Variants in ACP7 observed in about 807,000 individuals in gnomAD.
ACP7 encodes acid phosphatase 7, tartrate resistant (putative).
In ACP7, 58 loss-of-function variants were observed where a neutral mutation model predicts 60.6. The ratio of observed to expected loss-of-function variants is 0.96; its 90% CI spans 0.77 to 1.19. The LOEUF is 1.19. ACP7 is among the 50% of genes most tolerant of loss of function. The probability of loss-of-function intolerance (pLI) is 0.00; values close to 1 mark genes in which losing one functional copy is unlikely to be tolerated. For missense variants in ACP7, 574 were observed against 596.2 expected (o/e 0.96, Z 0.39); for synonymous variants, 237 against 232.6 (o/e 1.02, Z -0.17).
At position 39,110,957 on chromosome 19, in the gene ACP7, G is replaced by A. The variant is rs2073464104; in HGVS notation, c.*839G>A. ...GTTGGACAAAAATCACGATAAATGAGTTGGTTAAATAGCGATTTGTGAGTA... is the reference window on the plus strand; with the variant it reads ...GTTGGACAAAAATCACGATAAATGAATTGGTTAAATAGCGATTTGTGAGTA... On this transcript the variant is annotated 3_prime_UTR_variant, in exon 13 of 13. Coordinates refer to ENST00000331256, the MANE Select transcript of ACP7 (RefSeq NM_001004318.3). 1.3e-5 allele frequency: 2 copies of A among 152,220 alleles called. No homozygotes were observed. The highest frequency in any genetic ancestry group is 1.3e-4 in the Admixed American group (2 of 15,276). 9.4% of individuals were successfully genotyped at this position (152,220 alleles called of 1,614,324 possible).
rs909890868 is a variant in ACP7, at chr19:39,098,382, C to T, written c.122-76C>T. The stretch of plus-strand genomic sequence containing the variant: ...TAACTGTTCAACAGTGGTCAACGCC[C>T]CTCACTTTTTCTGCATATCCCTCCC... On this transcript the variant is annotated intron_variant, in intron 2 of 12. Transcript: ENST00000331256. 2.5e-6 allele frequency: 3 copies of T among 1,182,106 alleles called. No homozygotes were observed. The Admixed American group carries it at 8.0e-5, about 31-fold the overall frequency. 73.2% of individuals were successfully genotyped at this position (1,182,106 alleles called of 1,614,324 possible).
intron 3 of ACP7, 32 bp downstream of exon 3, chr19:39,098,690 A>T (rs2073300778): frequency 6.3e-7 from 1 of 1,581,230 alleles, no homozygotes; most frequent in Non-Finnish European, 8.6e-7. Flanking sequence ...GCTGTTGAGG[A>T]GGAGTGGGAA....
chr19:39,083,908 G>C (rs978974002), upstream of ACP7: 1 of 152,458 alleles, frequency 6.6e-6, no homozygotes, highest in Non-Finnish European at 1.5e-5. Flanking sequence ...GCTCAGCATG[G>C]AAAGGAAGGA....
Position 39,101,169 on chromosome 19 carries a change from G to C in ACP7, c.935G>C (p.Gly312Ala), listed in dbSNP as rs769332771. 1.2e-6 allele frequency: 2 copies of C among 1,614,132 alleles called. No homozygotes were observed. The highest frequency in any genetic ancestry group is 1.7e-6 in the Non-Finnish European group (2 of 1,180,016). Reference protein sequence around the residue: ...HESKVRKGLQGKLYGLEDLFY... With the variant: ...HESKVRKGLQAKLYGLEDLFY... The stretch of plus-strand genomic sequence containing the variant: ...GCCCAGGTCCGCAAAGGCCTCCAAG[G>C]CAAGCTGTACGGGTTGGAGGATCTT... Residue 312 changes from glycine (G) to alanine (A), a missense_variant, in exon 9 of 13, where the codon GGC becomes GCC. Transcript: ENST00000331256.
upstream of ACP7, chr19:39,084,367 G>T (rs1309611323): frequency 6.6e-6 from 1 of 152,476 alleles, no homozygotes; most frequent in Non-Finnish European, 1.5e-5. Flanking sequence ...CTGGTGGCGG[G>T]AGAGGCGCGT....
intron 2 of ACP7, among the ~76,000 whole-genome samples, chr19:39,095,114 C>T (rs185945219): frequency 1.3e-5 from 2 of 152,256 alleles, no homozygotes; most frequent in Non-Finnish European, 2.9e-5. Flanking sequence ...CCTCTGGCCC[C>T]TCCAAATCTC....
In ACP7 at chr19:39,101,322, G is replaced by A. The variant is rs746015580; in HGVS notation, c.1008G>A (p.Ser336=). ...VDLQLWAHEH[S]YERLWPIYNY... is the part of the protein sequence containing the mutation. ...TGCAGCTGTGGGCTCATGAGCACTC[G>A]TATGAACGACTGTGGCCAATTTACA... The change falls in exon 10 of 13, where the codon TCG becomes TCA. Residue 336 remains serine (S), a synonymous_variant. Coordinates refer to ENST00000331256, the MANE Select transcript of ACP7 (RefSeq NM_001004318.3). 11 of 1,614,032 alleles carry A rather than the reference G, an allele frequency of 6.8e-6. No homozygotes were observed. The highest frequency in any genetic ancestry group is 2.7e-5 in the African/African-American group (2 of 74,906).
upstream of ACP7, chr19:39,084,284 T>G (rs2073114823): frequency 6.6e-6 from 1 of 152,320 alleles, no homozygotes; most frequent in Non-Finnish European, 1.5e-5. Flanking sequence ...GGCGACCGGC[T>G]CTTCCGGGGC....
chr19:39,104,262 A>G (rs2073388567), intron 11 of ACP7, among the ~76,000 whole-genome samples: 1 of 152,042 alleles, frequency 6.6e-6, no homozygotes, highest in Non-Finnish European at 1.5e-5. Flanking sequence ...CTGCATATAC[A>G]AAGGAGTAAT....
At position 39,085,250 on chromosome 19, in the gene ACP7, G is replaced by A; in HGVS notation, c.-20G>A. ...CAGTCCCCCTGCTTTTCCCCGGTCT[G>A]CCATCACCACCCCACCACCATGCAC... On this transcript the variant is annotated 5_prime_UTR_variant, in exon 2 of 13. Coordinates refer to ENST00000331256, the MANE Select transcript of ACP7 (RefSeq NM_001004318.3). 1 of 1,605,616 alleles carries A rather than the reference G, an allele frequency of 6.2e-7. No individual in the cohort carries two copies. Among genetic ancestry groups the A allele is most frequent in the Non-Finnish European group, 8.5e-7 (1 of 1,175,842 alleles).
intron 11 of ACP7, among the ~76,000 whole-genome samples, chr19:39,105,932 A>C (rs7256505): frequency 0.17 from 25,475 of 152,166 alleles, 2,374 homozygotes; most frequent in Non-Finnish European, 0.21. Flanking sequence ...TCAGCCAGCC[A>C]TCTCCACCAT....
In ACP7 at chr19:39,109,838, T is replaced by C. The variant is rs937633592; in HGVS notation, c.1252-215T>C. Among the ~76,000 whole-genome samples, 11 of 152,174 alleles carry C rather than the reference T, an allele frequency of 7.2e-5. No individual in the cohort carries two copies. In the East Asian group the frequency reaches 1.9e-3, roughly 27 times the overall value. ...TATGCTGGGCTCTGTTTACAAATAC[T>C]ATCTCATTTAACTCCCACAACATCT... On this transcript the variant is annotated intron_variant, in intron 12 of 12. Transcript: ENST00000331256.
At position 39,097,124 on chromosome 19, in the gene ACP7, G is replaced by A. The variant is rs114703502; in HGVS notation, c.122-1334G>A. ...TAGTGAAAAGCATTTCTGACATGGCGGTGGCAAGAGAAAATGAGAAAGAAG... is the reference window on the plus strand; with the variant it reads ...TAGTGAAAAGCATTTCTGACATGGCAGTGGCAAGAGAAAATGAGAAAGAAG... On this transcript the variant is annotated intron_variant, in intron 2 of 12. Transcript: ENST00000331256. Among the ~76,000 whole-genome samples, 676 of 152,190 alleles carry A rather than the reference G, an allele frequency of 4.4e-3. 6 individuals carry two copies. Among genetic ancestry groups the A allele is most frequent in the African/African-American group, 0.015 (624 of 41,528 alleles).
In ACP7 at chr19:39,101,525, C is replaced by T; in HGVS notation, c.1101C>T (p.Ile367=). The change falls in exon 11 of 13, where the codon ATC becomes ATT. Residue 367 remains isoleucine, a synonymous_variant. Coordinates refer to ENST00000331256, the MANE Select transcript of ACP7 (RefSeq NM_001004318.3). ...ACCCGCGAGGGCCTGTCCACATCATCACAGGATCTGCTGTGAGCAGGGGGA... is the reference window on the plus strand; with the variant it reads ...ACCCGCGAGGGCCTGTCCACATCATTACAGGATCTGCTGTGAGCAGGGGGA... ...YTNPRGPVHI[I]TGSAGCEERL... The T allele has an allele frequency of 1.9e-6, 3 of 1,614,040 alleles. No individual in the cohort carries two copies. Among genetic ancestry groups the T allele is most frequent in the Non-Finnish European group, 1.7e-6 (2 of 1,179,978 alleles).
chr19:39,102,785 C>CTCTT lies in ACP7; in HGVS notation c.1113+1251_1113+1252insTTCT, dbSNP rs1555769508. Among the ~76,000 whole-genome samples the CTCTT allele has an allele frequency of 2.4e-3, 280 of 117,324 alleles. 1 individual carries two copies. The highest frequency in any genetic ancestry group is 7.3e-3 in the African/African-American group (236 of 32,386). The allele number at this position is 117,324 out of a possible 152,430, so 77.0% of individuals were successfully genotyped here. ...TTTCTTTCTCTCTCTCTCTCTTTCTCTCTCTCTCTTTCTTTCTTTCTTTTC... is the reference window on the plus strand; with the variant it reads ...TTTCTTTCTCTCTCTCTCTCTTTCTCTCTTTCTCTCTCTTTCTTTCTTTCTTTTC... On this transcript the variant is annotated intron_variant, in intron 11 of 12. Coordinates refer to ENST00000331256, the MANE Select transcript of ACP7 (RefSeq NM_001004318.3).
At chr19:39,100,140 G>A (rs1375298147) in intron 4 of ACP7, 87 bp from the exon 5 acceptor site, 1 of 1,552,798 alleles carries the variant, frequency 6.4e-7, no homozygotes, top group Non-Finnish European at 8.8e-7. Context: ...GGATTAACAG[G>A]TGTGAGTCAC....
Position 39,098,550 on chromosome 19 carries a change from C to T in ACP7, c.214C>T (p.Leu72Phe), listed in dbSNP as rs2073297822. 6.8e-6 allele frequency: 11 copies of T among 1,613,232 alleles called. No homozygotes were observed. Among genetic ancestry groups the T allele is most frequent in the Non-Finnish European group, 9.3e-6 (11 of 1,179,686 alleles). The part of the protein sequence containing the change: ...FGLQPSGPLP[L>F]RAQGTFVPFV... ...GTTGCAGCCGTCGGGGCCCCTGCCC[C>T]TCCGCGCCCAGGGCACCTTCGTCCC... is the stretch of plus-strand genomic sequence containing the variant. Residue 72 changes from leucine (L) to phenylalanine (F), a missense_variant, in exon 3 of 13, where the codon CTC becomes TTC. Leu to Phe is a conservative substitution (Grantham distance 22). Coordinates refer to ENST00000331256, the MANE Select transcript of ACP7 (RefSeq NM_001004318.3).
intron 2 of ACP7, among the ~76,000 whole-genome samples, chr19:39,095,077 G>T (rs2073250679): frequency 6.6e-6 from 1 of 152,098 alleles, no homozygotes; most frequent in Non-Finnish European, 1.5e-5. Context: ...TTTGGGTGGG[G>T]ACACAGAGCC....
At chr19:39,093,156 C>CTTTCTCTT (rs2073225527) in intron 2 of ACP7, among the ~76,000 whole-genome samples, 6 of 50,988 alleles carry the variant, frequency 1.2e-4, no homozygotes, top group Admixed American at 9.3e-4. Flanking sequence ...TTCTTTCTTT[C>CTTTCTCTT]TCTTTCTTTC....
Sources: allele counts gnomAD v4.1 joint callset (sites outside exome capture counted in the v4.1 genomes callset), GRCh38; gene constraint gnomAD v4.1.1; transcripts MANE v1.5; gene names NCBI Gene and HGNC (gene_info 2026-07-23, HGNC 2026-07-21).